The following RUNX1 variants were observed in gnomAD, a reference collection of about 807,000 sequenced individuals.
The protein encoded by RUNX1 is runt-related transcription factor 1.
Under a neutral mutation model 42.8 loss-of-function variants are expected in RUNX1, and 19 were observed. The ratio of observed to expected loss-of-function variants is 0.44; its 90% CI spans 0.31 to 0.65. The LOEUF is 0.65. Among genes scored for constraint, RUNX1 ranks in the 30% least tolerant of loss-of-function variants. RUNX1 has a pLI of 0.07. For synonymous variants in RUNX1, 271 were observed against 289.4 expected (o/e 0.94, Z 0.64); for missense variants, 528 against 672.0 (o/e 0.79, Z 2.37).
At chr21:34,887,794 AT>A (rs973738733) in intron 3 of RUNX1, 4 of 1,063,262 alleles carry the variant, frequency 3.8e-6, no homozygotes, top group East Asian at 5.1e-5. Flanking sequence ...TACGCTGCAG[AT>A]TTTTTTAAGT....
chr21:34,859,188 G>GAAGC, intron 6 of RUNX1: 1 of 467,678 alleles, frequency 2.1e-6, no homozygotes, highest in Non-Finnish European at 3.9e-6. Context: ...GTATATTGAG[G>GAAGC]AAGCAGTCCT....
intron 5 of RUNX1, among the ~76,000 whole-genome samples, chr21:34,862,567 G>A (rs184371912): frequency 1.3e-3 from 197 of 152,228 alleles, no homozygotes; most frequent in Admixed American, 3.7e-3. Flanking sequence ...TTCTCGCTTC[G>A]GATGGTGGCC....
intron 2 of RUNX1, among the ~76,000 whole-genome samples, chr21:34,968,737 A>G (rs1008646021): frequency 6.6e-6 from 1 of 152,122 alleles, no homozygotes; most frequent in Non-Finnish European, 1.5e-5. Flanking sequence ...TACTGTGAGC[A>G]GGTGGTCTGA....
chr21:34,989,057 G>A lies in RUNX1; in HGVS notation c.58+59785C>T, dbSNP rs187410138. ...GGAGTTTCACTCTGTTGCCCAGGCT[G>A]GAGTGCAATGGCATGATCTCAGCTC... On this transcript the variant is annotated intron_variant, in intron 2 of 8. Coordinates refer to ENST00000675419, the MANE Select transcript of RUNX1 (RefSeq NM_001754.5). Among the ~76,000 whole-genome samples the A allele has an allele frequency of 2.6e-5, 4 of 151,548 alleles. No individual in the cohort carries two copies. The East Asian group carries it at 7.8e-4, about 29-fold the overall frequency.
At chr21:35,041,358 G>A (rs757751433) in intron 2 of RUNX1, among the ~76,000 whole-genome samples, 1 of 152,222 alleles carries the variant, frequency 6.6e-6, no homozygotes, top group Non-Finnish European at 1.5e-5. Flanking sequence ...GATCAGCAGA[G>A]CGATTGAGCA....
At chr21:34,835,053 C>T (rs973495419) in intron 6 of RUNX1, among the ~76,000 whole-genome samples, 12 of 152,160 alleles carry the variant, frequency 7.9e-5, no homozygotes, top group Non-Finnish European at 1.5e-4. Flanking sequence ...GCCACTGGCA[C>T]GTTTTAGAGG....
rs1258336283 is a variant in RUNX1 at position 34,942,048 on chromosome 21, G to A, written c.59-49085C>T. On this transcript the variant is annotated intron_variant, in intron 2 of 8. Transcript: ENST00000675419. The stretch of plus-strand genomic sequence containing the variant: ...TACCTTCAAACTTTATGAATGTCTC[G>A]GCCACCCCCTGCTGCATCCATCAAA... Among the ~76,000 whole-genome samples the A allele has an allele frequency of 2.6e-5, 4 of 151,882 alleles. No individual in the cohort carries two copies. The East Asian group carries it at 7.7e-4, about 29-fold the overall frequency.
intron 2 of RUNX1, among the ~76,000 whole-genome samples, chr21:34,984,217 G>T (rs1379634488): frequency 1.3e-5 from 2 of 152,108 alleles, no homozygotes; most frequent in Admixed American, 6.5e-5. Context: ...AGAGTAGCTA[G>T]AGAAAAAAAT....
chr21:34,994,112 G>A (rs536697223), intron 2 of RUNX1, among the ~76,000 whole-genome samples: 2 of 152,266 alleles, frequency 1.3e-5, no homozygotes, highest in Admixed American at 1.3e-4. Flanking sequence ...GAAGGAGAAA[G>A]TAAAGGTTGT....
chr21:34,806,011 A>T (rs1022058010), intron 7 of RUNX1, among the ~76,000 whole-genome samples: 2 of 152,218 alleles, frequency 1.3e-5, no homozygotes, highest in Non-Finnish European at 2.9e-5. Flanking sequence ...AACAGAGGAG[A>T]TAAAATGGAA....
chr21:34,949,054 G>A (rs549924458), intron 2 of RUNX1, among the ~76,000 whole-genome samples: 36 of 152,230 alleles, frequency 2.4e-4, no homozygotes, highest in African/African-American at 7.7e-4. Context: ...GTGCCCGGCC[G>A]GGATGTGCAG....
At chr21:35,011,938 G>A (rs2059129245) in intron 2 of RUNX1, among the ~76,000 whole-genome samples, 1 of 152,164 alleles carries the variant, frequency 6.6e-6, no homozygotes. Context: ...TGTAACATGA[G>A]TCATTCCAGC....
At chr21:35,047,761 T>G (rs1248646280) in intron 2 of RUNX1, among the ~76,000 whole-genome samples, 3 of 152,104 alleles carry the variant, frequency 2.0e-5, no homozygotes, top group Non-Finnish European at 4.4e-5. Context: ...TCAAGAGAGT[T>G]TGTAGCCAGA....
intron 2 of RUNX1, among the ~76,000 whole-genome samples, chr21:34,958,944 G>C (rs7282013): frequency 5.3e-5 from 8 of 151,616 alleles, no homozygotes; most frequent in African/African-American, 1.9e-4. Context: ...GTAAACTATC[G>C]CAAAGACAAA....
chr21:34,842,799 T>G (rs1015284652), intron 6 of RUNX1, among the ~76,000 whole-genome samples: 9 of 151,842 alleles, frequency 5.9e-5, no homozygotes, highest in African/African-American at 2.2e-4. Context: ...CTGGGCGCGG[T>G]GGCTCATGCC....
At chr21:34,832,595 A>T (rs1477370497) in intron 7 of RUNX1, among the ~76,000 whole-genome samples, 1 of 152,198 alleles carries the variant, frequency 6.6e-6, no homozygotes, top group Non-Finnish European at 1.5e-5. Flanking sequence ...TTTTCTGAAG[A>T]TTATGTGAAT....
In RUNX1 at chr21:34,821,395, C is replaced by A. The variant is rs563135378; in HGVS notation, c.805+13015G>T. 9 of 1,277,542 alleles carry A rather than the reference C, an allele frequency of 7.0e-6. No homozygotes were observed. The African/African-American group carries it at 7.4e-5, about 11-fold the overall frequency. The allele number at this position is 1,277,542 out of a possible 1,614,324, so 79.1% of individuals were successfully genotyped here. A position where few individuals can be genotyped will look rare whatever the true frequency, so the allele number is the denominator to read the frequency against. Reference sequence around the variant, plus strand: ...TTTGTGAAGGATTAATAAATACACACAATGCTTCCCATGTGCTGTGCATCA... The same window carrying A: ...TTTGTGAAGGATTAATAAATACACAAAATGCTTCCCATGTGCTGTGCATCA... On this transcript the variant is annotated intron_variant, in intron 7 of 8. Transcript: ENST00000675419.
At chr21:34,918,393 T>G (rs1221618307) in intron 2 of RUNX1, among the ~76,000 whole-genome samples, 2 of 152,148 alleles carry the variant, frequency 1.3e-5, no homozygotes, top group Non-Finnish European at 2.9e-5. Flanking sequence ...ATTGCCAGAT[T>G]AACACTGGTA....
chr21:35,034,683 G>A (rs767057097), intron 2 of RUNX1, among the ~76,000 whole-genome samples: 1 of 152,226 alleles, frequency 6.6e-6, no homozygotes, highest in African/African-American at 2.4e-5. Context: ...ATACAGCACA[G>A]AGGGCAGTCC....
Sources: allele counts gnomAD v4.1 joint callset (sites outside exome capture counted in the v4.1 genomes callset), GRCh38; gene constraint gnomAD v4.1.1; transcripts MANE v1.5; gene names NCBI Gene and HGNC (gene_info 2026-07-23, HGNC 2026-07-21).